Variants in PTX4 observed in about 807,000 individuals in gnomAD.
PTX4 encodes pentraxin-4.
In PTX4, 23 loss-of-function variants were observed where a neutral mutation model predicts 19.1. The observed-to-expected ratio is 1.20, with a 90% CI of 0.87 to 1.70. The LOEUF is 1.70. PTX4 is among the 40% of genes most tolerant of loss of function. PTX4 has a pLI of 0.00. For synonymous variants in PTX4, 317 were observed against 279.6 expected, an observed-to-expected ratio of 1.13 and a Z score of -1.33; for missense variants, 678 against 610.5, an observed-to-expected ratio of 1.11 and a Z score of -1.17.
chr16:1,488,102 C>T (rs1346875180), intron 1 of PTX4, 132 bp from the exon 2 acceptor site: 1 of 1,080,952 alleles, frequency 9.3e-7, no homozygotes, highest in Non-Finnish European at 1.3e-6. Context: ...GCTATCTGCC[C>T]ACCGATTTGA....
At position 1,486,620 on chromosome 16, in the gene PTX4, C is replaced by T. The variant is rs750608143; in HGVS notation, c.797-41G>A. The T allele has an allele frequency of 5.3e-6, 8 of 1,511,950 alleles. No homozygotes were observed. The South Asian group carries it at 5.4e-5, about 10-fold the overall frequency. 93.7% of individuals were successfully genotyped at this position (1,511,950 alleles called of 1,614,324 possible). On this transcript the variant is annotated intron_variant, in intron 2 of 2. Transcript: ENST00000447419. The stretch of plus-strand genomic sequence containing the variant: ...GGAGGGTCAACCCCTTGCAGGAGGC[C>T]GAGCAGAAGCATCCAGAAGCACACG...
Position 1,487,472 on chromosome 16 carries a change from G to T in PTX4, c.640C>A (p.Arg214=). Residue 214 remains arginine, a synonymous_variant, in exon 2 of 3, where the codon CGA becomes AGA. Coordinates refer to ENST00000447419, the MANE Select transcript of PTX4 (RefSeq NM_001328608.2). ...GGGCCCCTGTGCTCAGAGGCAGCTC[G>T]GAGCTCCTGCCTGTCCCTCTGAAGC... The part of the protein sequence containing the change: ...LKLQRDRQEL[R]AASEHRGPPQ... 4 of 1,508,364 alleles carry T rather than the reference G, an allele frequency of 2.7e-6. No individual in the cohort carries two copies. Among genetic ancestry groups the T allele is most frequent in the Non-Finnish European group, 3.5e-6 (4 of 1,129,740 alleles). 93.4% of individuals were successfully genotyped at this position (1,508,364 alleles called of 1,614,324 possible).
chr16:1,488,859 A>G lies in PTX4; in HGVS notation c.51T>C (p.Pro17=), dbSNP rs1390873016. ...GCGATGAAGCCCCATGTAGATATAT[A>G]GGCACAAAAACAAGGAAGAAAGACA... ...KTLSFFLVFV[P]IYLHGASSQE... The change falls in exon 1 of 3, where the codon CCT becomes CCC. Residue 17 remains proline, a synonymous_variant. Transcript: ENST00000447419. 8.5e-6 allele frequency: 6 copies of G among 702,094 alleles called. No homozygotes were observed. The highest frequency in any genetic ancestry group is 1.6e-5 in the Non-Finnish European group (6 of 384,338). The allele number at this position is 702,094 out of a possible 1,614,324, so 43.5% of individuals were successfully genotyped here.
At chr16:1,487,212 C>T (rs536512272) in intron 2 of PTX4, 104 bp downstream of exon 2, 22 of 1,151,214 alleles carry the variant, frequency 1.9e-5, no homozygotes, top group African/African-American at 1.4e-4. Flanking sequence ...CCCCATCTCC[C>T]GGCCCCTAAC....
Position 1,485,950 on chromosome 16 carries a change from G to T in PTX4, c.1426C>A (p.Arg476Ser). 1 of 1,605,358 alleles carries T rather than the reference G, an allele frequency of 6.2e-7. No homozygotes were observed. Among genetic ancestry groups the T allele is most frequent in the Non-Finnish European group, 8.5e-7 (1 of 1,177,722 alleles). The change falls in exon 3 of 3, where the codon CGC becomes AGC. Residue 476 changes from arginine (R) to serine (S), a missense_variant. Transcript: ENST00000447419. ...CGTGCGGCTCGGCCTCAGGGACAGC[G>T]TTCCAGGCAGGTGCAGTTGGCCCCC... ...VQGANCTCLE[R>S]CP
intron 1 of PTX4, chr16:1,488,208 T>C: frequency 7.4e-7 from 1 of 1,352,144 alleles, no homozygotes; most frequent in Non-Finnish European, 1.0e-6. Context: ...GGCCCACAGC[T>C]GGGGCTCTGA....
At chr16:1,487,028 C>T (rs1827342510) in intron 2 of PTX4, among the ~76,000 whole-genome samples, 1 of 152,230 alleles carries the variant, frequency 6.6e-6, no homozygotes, top group African/African-American at 2.4e-5. Context: ...CATCTCCCGC[C>T]CTTTCCAGCT....
chr16:1,486,260 G>T lies in PTX4; in HGVS notation c.1116C>A (p.Gly372=). 6.2e-7 allele frequency: 1 copy of T among 1,612,932 alleles called. No individual in the cohort carries two copies. The highest frequency in any genetic ancestry group is 2.2e-5 in the East Asian group (1 of 44,848). Reference sequence around the variant, plus strand: ...TGCGATCCACGTGGAGCCAGTACCTGCCCTGGGTGGACGTCCAGATGACAC... The same window carrying T: ...TGCGATCCACGTGGAGCCAGTACCTTCCCTGGGTGGACGTCCAGATGACAC... ...HICVIWTSTQ[G]RYWLHVDRRL... is the part of the protein sequence containing the mutation. Residue 372 remains glycine (G), a synonymous_variant, in exon 3 of 3, where the codon GGC becomes GGA. Transcript: ENST00000447419.
Position 1,488,647 on chromosome 16 carries a change from C to T in PTX4, c.141+122G>A, listed in dbSNP as rs886167296. The T allele has an allele frequency of 4.4e-5, 28 of 638,338 alleles. 1 individual carries two copies. The South Asian group carries it at 4.7e-4, about 11-fold the overall frequency. The allele number at this position is 638,338 out of a possible 1,614,324, so 39.5% of individuals were successfully genotyped here. On this transcript the variant is annotated intron_variant, in intron 1 of 2. Coordinates refer to ENST00000447419, the MANE Select transcript of PTX4 (RefSeq NM_001328608.2). Reference sequence around the variant, plus strand: ...AAATAATCTTCATGGATGGAAAGAGCGTCACACGCGGTGTTCGTGTCCGCC... The same window carrying T: ...AAATAATCTTCATGGATGGAAAGAGTGTCACACGCGGTGTTCGTGTCCGCC...
Position 1,486,029 on chromosome 16 carries a change from C to A in PTX4, c.1347G>T (p.Pro449=). Residue 449 remains proline (P), a synonymous_variant, in exon 3 of 3, where the codon CCG becomes CCT. Transcript: ENST00000447419. ...TGGCCAGCGTCAGGATGGCACCTGT[C>A]GGGAACTCTTTCCCGATGGCAAGGT... ...VANLAIGKEF[P]TGAILTLANA... is the part of the protein sequence containing the mutation. 2 of 1,614,068 alleles carry A rather than the reference C, an allele frequency of 1.2e-6. No individual in the cohort carries two copies. Among genetic ancestry groups the A allele is most frequent in the Non-Finnish European group, 1.7e-6 (2 of 1,180,010 alleles).
Position 1,487,971 on chromosome 16 carries a change from CT to C in PTX4, c.142-2del. ...AGGTCACCTCCTGGAATCTCCGGAA[CT>C]GTAAGGAGGACACGGTGATGATGGG... On this transcript the variant is annotated splice_acceptor_variant, in intron 1 of 2. Transcript: ENST00000447419. LOFTEE classifies it high-confidence loss of function. The C allele has an allele frequency of 1.9e-6, 3 of 1,572,968 alleles. No individual in the cohort carries two copies. Among genetic ancestry groups the C allele is most frequent in the Non-Finnish European group, 2.6e-6 (3 of 1,155,118 alleles).
chr16:1,486,493 G>T lies in PTX4; in HGVS notation c.883C>A (p.Arg295=), dbSNP rs757126891. Residue 295 remains arginine, a synonymous_variant, in exon 3 of 3, where the codon CGA becomes AGA. Transcript: ENST00000447419. ...FLSPGFVTAL[R]ALSFCSWVRT... ...ACCCAGCTGCAGAAGGACAGGGCTC[G>T]CAGGGCAGTGACGAAACCAGGGCTG... 6.2e-7 allele frequency: 1 copy of T among 1,610,638 alleles called. No individual in the cohort carries two copies.
chr16:1,487,029 C>T (rs940684060), intron 2 of PTX4, among the ~76,000 whole-genome samples: 5 of 152,236 alleles, frequency 3.3e-5, no homozygotes, highest in African/African-American at 7.2e-5. Flanking sequence ...ATCTCCCGCC[C>T]TTTCCAGCTT....
intron 2 of PTX4, 69 bp downstream of exon 2, chr16:1,487,247 C>T: frequency 1.4e-6 from 2 of 1,391,926 alleles, no homozygotes; most frequent in Non-Finnish European, 9.4e-7. Flanking sequence ...GAAGCCTTTT[C>T]CAGGGGGCCT....
chr16:1,485,906 C>A lies in PTX4; in HGVS notation c.*33G>T. ...CGGAATGTGGATGGGGGCATGCTGC[C>A]CTTGCTGGCCTCAGCCCCCGTGCGG... On this transcript the variant is annotated 3_prime_UTR_variant, in exon 3 of 3. Coordinates refer to ENST00000447419, the MANE Select transcript of PTX4 (RefSeq NM_001328608.2). The A allele has an allele frequency of 6.4e-7, 1 of 1,569,274 alleles. No individual in the cohort carries two copies. The highest frequency in any genetic ancestry group is 8.6e-7 in the Non-Finnish European group (1 of 1,159,110).
chr16:1,486,031 G>T lies in PTX4; in HGVS notation c.1345C>A (p.Pro449Thr). The change falls in exon 3 of 3, where the codon CCG becomes ACG. Residue 449 changes from proline to threonine, a missense_variant. By Grantham distance (38) the Pro-to-Thr change is conservative. Coordinates refer to ENST00000447419, the MANE Select transcript of PTX4 (RefSeq NM_001328608.2). ...VANLAIGKEF[P>T]TGAILTLANA... The stretch of plus-strand genomic sequence containing the variant: ...GCCAGCGTCAGGATGGCACCTGTCG[G>T]GAACTCTTTCCCGATGGCAAGGTTT... The T allele has an allele frequency of 6.2e-7, 1 of 1,614,086 alleles. No individual in the cohort carries two copies. Among genetic ancestry groups the T allele is most frequent in the Non-Finnish European group, 8.5e-7 (1 of 1,180,018 alleles).
chr16:1,488,418 C>T (rs754285813), intron 1 of PTX4: 1 of 1,613,734 alleles, frequency 6.2e-7, no homozygotes, highest in Non-Finnish European at 8.5e-7. Flanking sequence ...AGGCCGTTCA[C>T]ACCGACTGCC....
intron 1 of PTX4, 107 bp from the exon 2 acceptor site, chr16:1,488,077 C>T: frequency 8.3e-7 from 1 of 1,204,654 alleles, no homozygotes; most frequent in South Asian, 1.5e-5. Context: ...CGTGCCCGGG[C>T]CACGGCCAGC....
rs376527944 is a variant in PTX4 at position 1,486,081 on chromosome 16, C to T, written c.1295G>A (p.Arg432Gln). ...TGCAACTTCCCCGGGAACCAGCGCC[C>T]GATCCCAGATAGCCAAGCCAGACAT... Reference protein sequence around the residue: ...GSMSGLAIWDRALVPGEVANL... With the variant: ...GSMSGLAIWDQALVPGEVANL... The change falls in exon 3 of 3, where the codon CGG becomes CAG. Residue 432 changes from arginine to glutamine, a missense_variant. Physicochemically the swap from Arg to Gln is conservative, Grantham distance 43 (BLOSUM62 1). Transcript: ENST00000447419. 374 of 1,614,072 alleles carry T rather than the reference C, an allele frequency of 2.3e-4. No individual in the cohort carries two copies. Among genetic ancestry groups the T allele is most frequent in the Non-Finnish European group, 3.0e-4 (354 of 1,180,028 alleles).
Sources: allele counts gnomAD v4.1 joint callset (sites outside exome capture counted in the v4.1 genomes callset), GRCh38; gene constraint gnomAD v4.1.1; transcripts MANE v1.5; gene names NCBI Gene and HGNC (gene_info 2026-07-23, HGNC 2026-07-21).